PDZD2: variants seen among roughly 807,000 people sequenced by gnomAD.
The protein encoded by PDZD2 is PDZ domain containing 2, also known as PDZ domain-containing protein 2.
In PDZD2, 90 loss-of-function variants were observed where a neutral mutation model predicts 220.7. That is an observed-to-expected ratio of 0.41 (90% confidence interval 0.34 to 0.49). The LOEUF is 0.49. Ranked by LOEUF, PDZD2 falls within the 20% of genes least tolerant of loss-of-function variation. The pLI, the probability that PDZD2 is intolerant of heterozygous loss-of-function variation, is 0.28. For synonymous variants in PDZD2, 1,375 were observed against 1,450.5 expected, an observed-to-expected ratio of 0.95 and a Z score of 1.18; for missense variants, 3,174 against 3,608.5, an observed-to-expected ratio of 0.88 and a Z score of 3.08.
chr5:32,105,125 C>A (rs564104889), intron 24 of PDZD2, among the ~76,000 whole-genome samples: 1 of 151,258 alleles, frequency 6.6e-6, no homozygotes, highest in Middle Eastern at 3.4e-3. Context: ...CAGAGGGAGA[C>A]CTTGTCTCAA....
At chr5:31,906,774 C>T (rs1487372472) in intron 2 of PDZD2, among the ~76,000 whole-genome samples, 2 of 152,036 alleles carry the variant, frequency 1.3e-5, no homozygotes, top group Non-Finnish European at 1.5e-5. Flanking sequence ...ACCCAGCAGG[C>T]GGAAGTTCCA....
chr5:32,038,522 C>G (rs1755746114), intron 7 of PDZD2, among the ~76,000 whole-genome samples: 2 of 151,948 alleles, frequency 1.3e-5, no homozygotes, highest in Non-Finnish European at 2.9e-5. Flanking sequence ...GGCAACAGAG[C>G]AAGACTCCTC....
intron 2 of PDZD2, among the ~76,000 whole-genome samples, chr5:31,896,537 C>T (rs969746950): frequency 6.6e-6 from 1 of 152,126 alleles, no homozygotes; most frequent in African/African-American, 2.4e-5. Flanking sequence ...GTGCCAAGCC[C>T]TGTGCTAAGG....
chr5:31,921,787 T>G (rs546999056), intron 2 of PDZD2, among the ~76,000 whole-genome samples: 5 of 152,274 alleles, frequency 3.3e-5, no homozygotes, highest in African/African-American at 1.2e-4. Context: ...TTTTGCAAAC[T>G]TTTTTTCATA....
At position 32,087,881 on chromosome 5, in the gene PDZD2, G is replaced by T. The variant is rs562738703; in HGVS notation, c.4433G>T (p.Gly1478Val). The T allele has an allele frequency of 1.2e-6, 2 of 1,612,606 alleles. No individual in the cohort carries two copies. The highest frequency in any genetic ancestry group is 8.5e-7 in the Non-Finnish European group (1 of 1,179,530). ...TGCCGTGCCGAACCAGTCCCGGGGG[G>T]CCAGACCTCCTCCCCGAGGAGGGCC... Reference protein sequence around the residue: ...SSCRAEPVPGGQTSSPRRAWA... With the variant: ...SSCRAEPVPGVQTSSPRRAWA... Residue 1478 changes from glycine (G) to valine (V), a missense_variant, in exon 20 of 25, where the codon GGC becomes GTC. Around this residue, in one of 4 missense-constraint regions of PDZD2, gnomAD observed 1,861 missense variants for 2,001.0 expected, o/e 0.93. Transcript: ENST00000438447. This position sits in a 1 kb window ranked among gnomAD's most constrained non-coding sequence, Gnocchi z 4.0.
chr5:31,805,759 T>C (rs951708610), intron 2 of PDZD2, among the ~76,000 whole-genome samples: 1 of 152,182 alleles, frequency 6.6e-6, no homozygotes, highest in Non-Finnish European at 1.5e-5. Context: ...AATAGGATCA[T>C]TGCAGGAATA....
At chr5:31,827,020 T>C (rs1183570286) in intron 2 of PDZD2, among the ~76,000 whole-genome samples, 1 of 152,146 alleles carries the variant, frequency 6.6e-6, no homozygotes, top group Non-Finnish European at 1.5e-5. Context: ...AGCACGTCCA[T>C]TCCCCAGAAA....
intron 2 of PDZD2, among the ~76,000 whole-genome samples, chr5:31,935,563 A>C (rs1053234039): frequency 2.0e-5 from 3 of 152,226 alleles, no homozygotes; most frequent in African/African-American, 7.2e-5. Context: ...TCATCAAGAC[A>C]AATGGCTTTT....
At chr5:31,899,332 C>T (rs1271988046) in intron 2 of PDZD2, among the ~76,000 whole-genome samples, 1 of 152,070 alleles carries the variant, frequency 6.6e-6, no homozygotes, top group African/African-American at 2.4e-5. Flanking sequence ...GGGGTTTCAC[C>T]ATGTTGACCA....
intron 2 of PDZD2, among the ~76,000 whole-genome samples, chr5:31,819,811 G>A (rs1242418404): frequency 6.6e-6 from 1 of 152,120 alleles, no homozygotes; most frequent in Non-Finnish European, 1.5e-5. Flanking sequence ...CTTTCCCCAA[G>A]AGATTATACT....
intron 6 of PDZD2, among the ~76,000 whole-genome samples, chr5:32,031,082 G>T (rs1755076382): frequency 6.6e-6 from 1 of 152,016 alleles, no homozygotes; most frequent in South Asian, 2.1e-4. Flanking sequence ...CATGTTTTCT[G>T]GGCCTGGAAT....
At chr5:31,959,952 A>G (rs911626797) in intron 2 of PDZD2, among the ~76,000 whole-genome samples, 1 of 151,956 alleles carries the variant, frequency 6.6e-6, no homozygotes, top group Non-Finnish European at 1.5e-5. Flanking sequence ...CTCTACCTCC[A>G]TCTTCACATC....
rs182294382 is a variant in PDZD2 at position 31,850,886 on chromosome 5, T to C, written c.476+51162T>C. 1.4e-3 allele frequency among the ~76,000 whole-genome samples: 214 copies of C among 152,248 alleles called. 2 individuals carry two copies. The highest frequency in any genetic ancestry group is 4.9e-3 in the African/African-American group (204 of 41,540). ...CTCCTGACCTCGTGTTCCACCCGCCTTGGTCTTCCAAAGTGCTAGGATTAC... is the reference window on the plus strand; with the variant it reads ...CTCCTGACCTCGTGTTCCACCCGCCCTGGTCTTCCAAAGTGCTAGGATTAC... On this transcript the variant is annotated intron_variant, in intron 2 of 24. Transcript: ENST00000438447.
At chr5:31,784,086 G>A (rs904924178) in intron 1 of PDZD2, among the ~76,000 whole-genome samples, 7 of 152,148 alleles carry the variant, frequency 4.6e-5, no homozygotes, top group African/African-American at 1.7e-4. Flanking sequence ...TAGGGCTCCA[G>A]GTCAAGAGTG....
chr5:32,087,082 C>T lies in PDZD2; in HGVS notation c.3683-49C>T. 9.7e-7 allele frequency: 1 copy of T among 1,034,280 alleles called. No individual in the cohort carries two copies. Among genetic ancestry groups the T allele is most frequent in the Non-Finnish European group, 1.5e-6 (1 of 681,810 alleles). 64.1% of individuals were successfully genotyped at this position (1,034,280 alleles called of 1,614,324 possible). A position where few individuals can be genotyped will look rare whatever the true frequency, so the allele number is the denominator to read the frequency against. ...TTCTTATATTATCCCTTTTATCTCCCCTACAACCTCTCCTGTGTATGTACC... is the reference window on the plus strand; with the variant it reads ...TTCTTATATTATCCCTTTTATCTCCTCTACAACCTCTCCTGTGTATGTACC... On this transcript the variant is annotated intron_variant, in intron 19 of 24. Transcript: ENST00000438447. The surrounding 1 kb of genome is among the most constrained non-coding windows in gnomAD (Gnocchi z 4.0).
At chr5:31,855,833 A>G (rs1357582873) in intron 2 of PDZD2, among the ~76,000 whole-genome samples, 1 of 152,230 alleles carries the variant, frequency 6.6e-6, no homozygotes, top group Non-Finnish European at 1.5e-5. Flanking sequence ...TGGAAAGAGA[A>G]TGGCATTTTC....
Position 31,885,109 on chromosome 5 carries a change from C to T in PDZD2, c.476+85385C>T, listed in dbSNP as rs560857575. ...ATGAGTAAAATACCCAGAAGAAAAACGGGTGGAGTGTATGAAATGGCAACT... is the reference window on the plus strand; with the variant it reads ...ATGAGTAAAATACCCAGAAGAAAAATGGGTGGAGTGTATGAAATGGCAACT... On this transcript the variant is annotated intron_variant, in intron 2 of 24. Transcript: ENST00000438447. Among the ~76,000 whole-genome samples, 63 of 144,068 alleles carry T rather than the reference C, an allele frequency of 4.4e-4. 1 individual carries two copies. The highest frequency in any genetic ancestry group is 1.2e-3 in the African/African-American group (46 of 38,650). 94.5% of individuals were successfully genotyped at this position (144,068 alleles called of 152,430 possible).
At chr5:31,881,326 ATGTGTGTGTGTGTGTGTGTGTGTGTG>A (rs67969355) in intron 2 of PDZD2, among the ~76,000 whole-genome samples, 9 of 123,252 alleles carry the variant, frequency 7.3e-5, no homozygotes, top group African/African-American at 2.8e-4. Context: ...TTCCATATAT[ATGTGTGTGTGTGTGTGTGTGTGTGTG>A]TGTGTGTGTG....
Position 32,098,849 on chromosome 5 carries a change from A to G in PDZD2, c.8218+215A>G, listed in dbSNP as rs1451871903. On this transcript the variant is annotated intron_variant, in intron 23 of 24. Coordinates refer to ENST00000438447, the MANE Select transcript of PDZD2 (RefSeq NM_178140.4). This position sits in a 1 kb window ranked among gnomAD's most constrained non-coding sequence, Gnocchi z 4.1. ...TTAGAAAAATCCCCCCAGTAGTTCA[A>G]GCTGTACTGTGGAAGATTTAAAATG... is the stretch of plus-strand genomic sequence containing the variant. 1.3e-5 allele frequency among the ~76,000 whole-genome samples: 2 copies of G among 152,242 alleles called. No homozygotes were observed. The highest frequency in any genetic ancestry group is 4.8e-5 in the African/African-American group (2 of 41,464).
Sources: allele counts gnomAD v4.1 joint callset (sites outside exome capture counted in the v4.1 genomes callset), GRCh38; gene constraint gnomAD v4.1.1; regional missense constraint gnomAD v4.1.1; non-coding constraint Gnocchi (gnomAD v3.1); transcripts MANE v1.5; gene names NCBI Gene and HGNC (gene_info 2026-07-23, HGNC 2026-07-21).